HSD11B1: variants seen among roughly 807,000 people sequenced by gnomAD.
The protein encoded by HSD11B1 is 11-beta-hydroxysteroid dehydrogenase 1.
HSD11B1 carries 15 observed loss-of-function variants against 22.1 expected under a neutral mutation model. That is an observed-to-expected ratio of 0.68 (90% CI 0.45 to 1.04). The LOEUF (loss-of-function observed/expected upper bound fraction) is 1.04. Among genes scored for constraint, HSD11B1 ranks in the 50% least tolerant of loss-of-function variants. The pLI is 0.00. For synonymous variants in HSD11B1, 122 were observed against 125.2 expected (o/e 0.97, Z 0.17); for missense variants, 281 against 357.6 (o/e 0.79, Z 1.73).
At chr1:209,715,409 C>T (rs899423617) in intron 4 of HSD11B1, among the ~76,000 whole-genome samples, 1 of 151,554 alleles carries the variant, frequency 6.6e-6, no homozygotes, top group Non-Finnish European at 1.5e-5. Context: ...TATCATTCTC[C>T]ACTAAAAAAA....
intron 4 of HSD11B1, among the ~76,000 whole-genome samples, chr1:209,725,832 A>G (rs2076997674): frequency 6.6e-6 from 1 of 152,204 alleles, no homozygotes; most frequent in Admixed American, 6.5e-5. Flanking sequence ...TTATTTGCAC[A>G]TGGTCCTTAC....
At chr1:209,721,485 A>AT (rs1368594921) in intron 4 of HSD11B1, among the ~76,000 whole-genome samples, 1 of 151,830 alleles carries the variant, frequency 6.6e-6, no homozygotes, top group East Asian at 1.9e-4. Flanking sequence ...AAAAAAAAAA[A>AT]AATCCCCATC....
chr1:209,726,778 G>A (rs751388786), intron 4 of HSD11B1, among the ~76,000 whole-genome samples: 10 of 152,078 alleles, frequency 6.6e-5, no homozygotes, highest in Non-Finnish European at 1.3e-4. Flanking sequence ...AGCATAACCT[G>A]AGGCATAACT....
rs541250922 is a variant in HSD11B1 at position 209,707,085 on chromosome 1, G to A, written c.474G>A (p.Leu158=). Residue 158 remains leucine, a synonymous_variant, in exon 4 of 6, where the codon CTG becomes CTA. Transcript: ENST00000367027. ...VVLTVAALPM[L]KQSNGSIVVV... is the part of the protein sequence containing the mutation. ...TGACTGTAGCTGCCTTGCCCATGCT[G>A]AAGCAGAGCAATGGAAGCATTGTTG... 7 of 1,614,080 alleles carry A rather than the reference G, an allele frequency of 4.3e-6. No homozygotes were observed. In the African/African-American group the frequency reaches 8.0e-5, roughly 18 times the overall value.
intron 1 of HSD11B1, 74 bp downstream of exon 1, chr1:209,705,104 C>G: frequency 8.7e-7 from 1 of 1,148,070 alleles, no homozygotes; most frequent in South Asian, 1.2e-5. Context: ...TCCTGAGGAC[C>G]AAGATGTGTT....
chr1:209,705,736 C>A, intron 1 of HSD11B1, 75 bp from the exon 2 acceptor site: 5 of 1,579,522 alleles, frequency 3.2e-6, no homozygotes, highest in Non-Finnish European at 3.5e-6. Flanking sequence ...GATAAGCATG[C>A]CTATATCCAG....
chr1:209,715,097 G>A (rs112314705), intron 4 of HSD11B1, among the ~76,000 whole-genome samples: 8 of 152,170 alleles, frequency 5.3e-5, no homozygotes, highest in African/African-American at 1.9e-4. Context: ...GTGGGATGAA[G>A]AGGCCAAATG....
At chr1:209,719,819 G>C (rs1297046712) in intron 4 of HSD11B1, among the ~76,000 whole-genome samples, 1 of 152,142 alleles carries the variant, frequency 6.6e-6, no homozygotes, top group African/African-American at 2.4e-5. Flanking sequence ...CATTTGAATT[G>C]GTTCCAAGTC....
chr1:209,734,909 C>A lies in HSD11B1; in HGVS notation c.*388C>A, dbSNP rs1456304205. 1 of 156,158 alleles carries A rather than the reference C, an allele frequency of 6.4e-6. No homozygotes were observed. The highest frequency in any genetic ancestry group is 6.4e-5 in the Admixed American group (1 of 15,590). The allele number at this position is 156,158 out of a possible 1,614,324, so 9.7% of individuals were successfully genotyped here. A position where few individuals can be genotyped will look rare whatever the true frequency, so the allele number is the denominator to read the frequency against. Reference sequence around the variant, plus strand: ...CTTATTCAGGATGGTTTCTTTAAAACCATAAACTGTACAAATGAAATTTTT... The same window carrying A: ...CTTATTCAGGATGGTTTCTTTAAAAACATAAACTGTACAAATGAAATTTTT... On this transcript the variant is annotated 3_prime_UTR_variant, in exon 6 of 6. Transcript: ENST00000367027.
Position 209,734,305 on chromosome 1 carries a change from A to G in HSD11B1, c.663A>G (p.Glu221=), listed in dbSNP as rs373809524. 3.7e-6 allele frequency: 6 copies of G among 1,612,748 alleles called. No individual in the cohort carries two copies. Among genetic ancestry groups the G allele is most frequent in the Non-Finnish European group, 5.1e-6 (6 of 1,179,136 alleles). ...TACTCTTCCCTTGTCATTCTATAGA[A>G]ACAGCCATGAAGGCAGTTTCTGGGA... ...TLCVLGLIDT[E]TAMKAVSGIV... Residue 221 remains glutamate, a splice_region_variant and synonymous_variant, in exon 6 of 6, where the codon GAA becomes GAG. Transcript: ENST00000367027.
At chr1:209,692,505 AG>A (rs1341703033) in intron 1 of HSD11B1, among the ~76,000 whole-genome samples, 2 of 151,002 alleles carry the variant, frequency 1.3e-5, no homozygotes, top group East Asian at 3.9e-4. Context: ...GAAAGGAAAC[AG>A]GATTATTTCT....
At chr1:209,727,516 AAG>A (rs986701035) in intron 4 of HSD11B1, among the ~76,000 whole-genome samples, 2 of 152,218 alleles carry the variant, frequency 1.3e-5, no homozygotes, top group African/African-American at 4.8e-5. Flanking sequence ...CGACTATCAA[AAG>A]AGAGAGAATC....
In HSD11B1 at chr1:209,732,490, A is replaced by T. The variant is rs780675162; in HGVS notation, c.572A>T (p.Asp191Val). 1 of 1,614,032 alleles carries T rather than the reference A, an allele frequency of 6.2e-7. No homozygotes were observed. Among genetic ancestry groups the T allele is most frequent in the South Asian group, 1.1e-5 (1 of 91,072 alleles). Residue 191 changes from aspartate (D) to valine (V), a missense_variant, in exon 5 of 6, where the codon GAT (aspartate) becomes GTT (valine). By Grantham distance (152) the Asp-to-Val change is radical. Transcript: ENST00000367027. ...TATTCTGCAAGCAAGTTTGCTTTGG[A>T]TGGGTTCTTCTCCTCCATCAGAAAG... Reference protein sequence around the residue: ...AAYSASKFALDGFFSSIRKEY... With the variant: ...AAYSASKFALVGFFSSIRKEY...
intron 4 of HSD11B1, among the ~76,000 whole-genome samples, chr1:209,710,383 C>T (rs1380162845): frequency 4.6e-5 from 7 of 152,302 alleles, no homozygotes; most frequent in South Asian, 4.1e-4. Context: ...AGAGGAATCA[C>T]GGACAAACCC....
At chr1:209,705,654 C>A (rs562226540) in intron 1 of HSD11B1, among the ~76,000 whole-genome samples, 157 bp from the exon 2 acceptor site, 1 of 152,288 alleles carries the variant, frequency 6.6e-6, no homozygotes, top group African/African-American at 2.4e-5. Flanking sequence ...AAAGACCTGG[C>A]CTGTTCCCAC....
intron 1 of HSD11B1, among the ~76,000 whole-genome samples, chr1:209,697,916 A>G (rs1279054886): frequency 5.8e-4 from 2 of 3,454 alleles, no homozygotes; most frequent in South Asian, 0.015. Context: ...TTTTTTTTTG[A>G]GATGAGGGTC....
chr1:209,702,176 A>G (rs562979848), upstream of HSD11B1, among the ~76,000 whole-genome samples: 4 of 152,356 alleles, frequency 2.6e-5, no homozygotes, highest in East Asian at 7.7e-4. Flanking sequence ...ATTATTTTTT[A>G]AAACTTTGTT....
Position 209,719,019 on chromosome 1 carries a change from C to CA in HSD11B1, c.517+11908dup, listed in dbSNP as rs56342028. 0.013 allele frequency among the ~76,000 whole-genome samples: 471 copies of CA among 35,698 alleles called. 41 individuals carry two copies. In the South Asian group the frequency reaches 0.23, roughly 17 times the overall value. The allele number at this position is 35,698 out of a possible 152,430, so 23.4% of individuals were successfully genotyped here. On this transcript the variant is annotated intron_variant, in intron 4 of 5. Transcript: ENST00000367027. ...TGGGTGACACAGTGAGACTCCATCT[C>CA]AAAAAAAAAAAAAAAAAGGAAAGAA...
chr1:209,732,723 T>C, intron 5 of HSD11B1, 144 bp downstream of exon 5: 1 of 709,602 alleles, frequency 1.4e-6, no homozygotes, highest in East Asian at 2.8e-5. Context: ...ACATTAGGTA[T>C]ATCTCCTAAT....
Sources: allele counts gnomAD v4.1 joint callset (sites outside exome capture counted in the v4.1 genomes callset), GRCh38; gene constraint gnomAD v4.1.1; transcripts MANE v1.5; gene names NCBI Gene and HGNC (gene_info 2026-07-23, HGNC 2026-07-21).